Variants in LIN28B observed in about 807,000 individuals in gnomAD.
LIN28B encodes protein lin-28 homolog B.
In LIN28B, 5 loss-of-function variants were observed where a neutral mutation model predicts 21.9. The ratio of observed to expected loss-of-function variants is 0.23; its 90% CI spans 0.12 to 0.48. LIN28B has a LOEUF of 0.48. LIN28B is among the 20% of genes least tolerant of loss of function. LIN28B has a pLI of 0.98. For missense variants in LIN28B, 245 were observed against 310.5 expected (o/e 0.79, Z 1.58); for synonymous variants, 109 against 111.3 (o/e 0.98, Z 0.13).
intron 3 of LIN28B, among the ~76,000 whole-genome samples, chr6:105,026,862 G>A (rs1408179183): frequency 1.3e-5 from 2 of 151,964 alleles, no homozygotes; most frequent in African/African-American, 2.4e-5. Flanking sequence ...GACAGCTCAC[G>A]TATAGAAAGT....
chr6:104,938,104 CA>C (rs1428070315), intron 2 of LIN28B, among the ~76,000 whole-genome samples: 1 of 89,130 alleles, frequency 1.1e-5, no homozygotes, highest in African/African-American at 4.5e-5. Context: ...CCAAAAAAAA[CA>C]AAAAAATTAG....
chr6:104,971,995 G>A (rs893539502), intron 2 of LIN28B, among the ~76,000 whole-genome samples: 2 of 148,216 alleles, frequency 1.3e-5, no homozygotes, highest in African/African-American at 2.4e-5. Flanking sequence ...ATTTGAGATA[G>A]GGTCTTGCTC....
At chr6:105,014,396 T>G (rs949130392) in intron 2 of LIN28B, among the ~76,000 whole-genome samples, 1 of 152,266 alleles carries the variant, frequency 6.6e-6, no homozygotes, top group Admixed American at 6.5e-5. Context: ...CTTGGCTCAC[T>G]GTAACCTCCG....
At chr6:104,974,809 AATTATT>A (rs201450160) in intron 2 of LIN28B, among the ~76,000 whole-genome samples, 6 of 151,158 alleles carry the variant, frequency 4.0e-5, no homozygotes, top group Admixed American at 3.3e-4. Flanking sequence ...GGATATTTTG[AATTATT>A]ATTATTATTA....
intron 3 of LIN28B, among the ~76,000 whole-genome samples, chr6:105,074,132 T>C (rs1772380508): frequency 6.6e-6 from 1 of 152,208 alleles, no homozygotes; most frequent in Admixed American, 6.5e-5. Flanking sequence ...TCTAAACAAT[T>C]TGTTTTTATT....
intron 3 of LIN28B, among the ~76,000 whole-genome samples, chr6:105,035,949 A>G (rs953354848): frequency 1.3e-5 from 2 of 152,170 alleles, no homozygotes; most frequent in African/African-American, 4.8e-5. Context: ...TACAATGTTG[A>G]CTTTTGGGAA....
At chr6:104,958,604 G>T (rs1438572336) in intron 2 of LIN28B, among the ~76,000 whole-genome samples, 2 of 152,014 alleles carry the variant, frequency 1.3e-5, no homozygotes, top group South Asian at 2.1e-4. Flanking sequence ...ATACTTTGTC[G>T]CCTGTATCTG....
At chr6:105,013,990 G>A (rs1244718899) in intron 2 of LIN28B, among the ~76,000 whole-genome samples, 1 of 152,014 alleles carries the variant, frequency 6.6e-6, no homozygotes, top group South Asian at 2.1e-4. Flanking sequence ...CAATTTTGTT[G>A]AAAGCACTGA....
chr6:105,023,306 TA>T (rs1264461430), intron 2 of LIN28B, among the ~76,000 whole-genome samples: 6 of 31,506 alleles, frequency 1.9e-4, no homozygotes, highest in Non-Finnish European at 2.8e-4. Context: ...TATTTATATA[TA>T]ATTATATTAT....
At chr6:105,007,691 A>AT (rs1280956619) in intron 2 of LIN28B, among the ~76,000 whole-genome samples, 4 of 151,572 alleles carry the variant, frequency 2.6e-5, no homozygotes, top group Non-Finnish European at 4.4e-5. Flanking sequence ...CACCTGGCAA[A>AT]TTTTTGTTTG....
chr6:105,070,934 T>C (rs1021909398), intron 3 of LIN28B, among the ~76,000 whole-genome samples: 1 of 152,146 alleles, frequency 6.6e-6, no homozygotes, highest in African/African-American at 2.4e-5. Context: ...TGGAATGCAG[T>C]GGTGCAATCT....
intron 2 of LIN28B, among the ~76,000 whole-genome samples, chr6:105,003,395 A>G (rs776224135): frequency 1.3e-5 from 2 of 152,224 alleles, no homozygotes; most frequent in Non-Finnish European, 2.9e-5. Flanking sequence ...GCTAGGTAGA[A>G]AGTTTGGGGC....
chr6:105,009,214 G>T (rs1770875720), intron 2 of LIN28B, among the ~76,000 whole-genome samples: 1 of 152,124 alleles, frequency 6.6e-6, no homozygotes, highest in Non-Finnish European at 1.5e-5. Context: ...GAACCTGGTG[G>T]TACCAAGTTT....
intron 2 of LIN28B, among the ~76,000 whole-genome samples, chr6:104,986,547 A>AG: frequency 6.6e-6 from 1 of 151,856 alleles, no homozygotes; most frequent in East Asian, 1.9e-4. Flanking sequence ...AAAAAAAAAA[A>AG]AAGTCTCTGT....
At chr6:105,050,180 C>G (rs1771868514) in intron 3 of LIN28B, among the ~76,000 whole-genome samples, 1 of 152,160 alleles carries the variant, frequency 6.6e-6, no homozygotes, top group South Asian at 2.1e-4. Flanking sequence ...TTCAGGAGCT[C>G]TTTCAGGGCA....
chr6:105,010,242 A>C (rs1435904924), intron 2 of LIN28B, among the ~76,000 whole-genome samples: 1 of 151,898 alleles, frequency 6.6e-6, no homozygotes, highest in Non-Finnish European at 1.5e-5. Flanking sequence ...GTGTACCTGT[A>C]GTCCCAGCTA....
chr6:105,067,067 C>G (rs1772233098), intron 3 of LIN28B, among the ~76,000 whole-genome samples: 1 of 152,156 alleles, frequency 6.6e-6, no homozygotes, highest in African/African-American at 2.4e-5. Flanking sequence ...AAGCAAGCAG[C>G]CCTGATGGTT....
intron 2 of LIN28B, among the ~76,000 whole-genome samples, chr6:104,996,213 T>G (rs551890511): frequency 7.2e-5 from 11 of 152,304 alleles, no homozygotes; most frequent in African/African-American, 2.6e-4. Flanking sequence ...GGAGTCATTC[T>G]GTGGTTGGGT....
chr6:105,045,989 A>G (rs1319205298), intron 3 of LIN28B, among the ~76,000 whole-genome samples: 1 of 152,084 alleles, frequency 6.6e-6, no homozygotes, highest in Non-Finnish European at 1.5e-5. Context: ...AGTAATTGTA[A>G]CTAATACTAA....
Sources: gnomAD v4.1 joint callset for allele counts (sites outside exome capture counted in the v4.1 genomes callset) on GRCh38, gnomAD v4.1.1 for gene constraint, MANE v1.5 for transcripts, NCBI Gene and HGNC (gene_info 2026-07-23, HGNC 2026-07-21) for gene names.